The following CEP164 variants were observed in gnomAD, a reference collection of about 807,000 sequenced individuals.
CEP164 encodes the protein centrosomal protein of 164 kDa.
A neutral mutation model predicts 182.7 loss-of-function variants in CEP164; 162 were observed. The observed-to-expected ratio is 0.89, with a 90% confidence interval of 0.78 to 1.01. CEP164 has a LOEUF of 1.01. Among genes scored for constraint, CEP164 ranks in the 50% least tolerant of loss-of-function variants. The pLI is 0.00. For missense variants in CEP164, 1,735 were observed against 1,790.4 expected (o/e 0.97, Z 0.56); for synonymous variants, 661 against 690.0 (o/e 0.96, Z 0.66).
chr11:117,404,979 G>A (rs1219238144), intron 27 of CEP164, among the ~76,000 whole-genome samples: 13 of 152,178 alleles, frequency 8.5e-5, no homozygotes, highest in Admixed American at 8.5e-4. Context: ...GTAATGGCAA[G>A]CCTTAGTAAT....
chr11:117,338,479 C>A, intron 2 of CEP164, 87 bp from the exon 3 acceptor site: 1 of 949,740 alleles, frequency 1.1e-6, no homozygotes, highest in Non-Finnish European at 1.7e-6. Flanking sequence ...TGGTTTGACC[C>A]AGATGCTCCA....
chr11:117,373,621 C>T, intron 9 of CEP164, 130 bp from the exon 10 acceptor site: 1 of 766,892 alleles, frequency 1.3e-6, no homozygotes. Context: ...TTTAGGTTTT[C>T]AAGAAGAGTG....
At chr11:117,397,575 A>G (rs2045641920) in intron 27 of CEP164, among the ~76,000 whole-genome samples, 1 of 152,228 alleles carries the variant, frequency 6.6e-6, no homozygotes, top group Admixed American at 6.5e-5. Context: ...CTGGGAAGAA[A>G]AAGAAAATTG....
At chr11:117,390,050 C>A (rs1038989824) in intron 15 of CEP164, among the ~76,000 whole-genome samples, 5 of 147,372 alleles carry the variant, frequency 3.4e-5, no homozygotes, top group Non-Finnish European at 7.4e-5. Flanking sequence ...TCCAGCAATT[C>A]TCCTGTCTCA....
intron 1 of CEP164, among the ~76,000 whole-genome samples, chr11:117,329,016 G>A (rs1407478800): frequency 6.6e-6 from 1 of 152,160 alleles, no homozygotes; most frequent in Admixed American, 6.5e-5. Context: ...GTGCTTTCAG[G>A]ATAACTTCCT....
At chr11:117,412,025 G>T in intron 32 of CEP164, 47 bp from the exon 33 acceptor site, 2 of 1,612,040 alleles carry the variant, frequency 1.2e-6, no homozygotes, top group Non-Finnish European at 1.7e-6. Flanking sequence ...CATGGCCCCT[G>T]CCTGGCTATG....
At chr11:117,339,515 GTTTTTTGTTTTTT>G (rs1389303766) in intron 3 of CEP164, among the ~76,000 whole-genome samples, 9 of 90,870 alleles carry the variant, frequency 9.9e-5, no homozygotes, top group East Asian at 7.3e-4. Flanking sequence ...CTTTTCCTTT[GTTTTTTGTTTTTT>G]TTTTTTTTTT....
chr11:117,410,072 G>A (rs2047169000), intron 30 of CEP164, 107 bp downstream of exon 30: 1 of 1,056,860 alleles, frequency 9.5e-7, no homozygotes. Flanking sequence ...TTCCTCTTTT[G>A]CATCCCTTTG....
At chr11:117,370,566 T>C (rs1402383629) in intron 8 of CEP164, among the ~76,000 whole-genome samples, 5 of 152,214 alleles carry the variant, frequency 3.3e-5, no homozygotes, top group African/African-American at 1.2e-4. Flanking sequence ...CAAATCACTA[T>C]AGAAATTCTG....
chr11:117,397,081 C>A lies in CEP164; in HGVS notation c.3279-10C>A. 1 of 1,611,952 alleles carries A rather than the reference C, an allele frequency of 6.2e-7. No individual in the cohort carries two copies. Among genetic ancestry groups the A allele is most frequent in the Non-Finnish European group, 8.5e-7 (1 of 1,178,914 alleles). On this transcript the variant is annotated splice_polypyrimidine_tract_variant and intron_variant, in intron 26 of 32. Transcript: ENST00000278935. ...GCTTCTGTTTTCCTTCTTCAACTCT[C>A]CTGCTCCAGCCTGTCCTCCCACAAT...
intron 11 of CEP164, among the ~76,000 whole-genome samples, chr11:117,379,771 A>G (rs1373264294): frequency 6.6e-6 from 1 of 152,042 alleles, no homozygotes; most frequent in African/African-American, 2.4e-5. Flanking sequence ...CCTCTGTGGA[A>G]AATATTTGAA....
rs922678721 is a variant in CEP164, at chr11:117,411,613, G to C, written c.4164-182G>C. 5.2e-6 allele frequency: 4 copies of C among 773,622 alleles called. No homozygotes were observed. Among genetic ancestry groups the C allele is most frequent in the Admixed American group, 3.0e-5 (1 of 33,200 alleles). 47.9% of individuals were successfully genotyped at this position (773,622 alleles called of 1,614,324 possible). A position where few individuals can be genotyped will look rare whatever the true frequency, so the allele number is the denominator to read the frequency against. On this transcript the variant is annotated intron_variant, in intron 31 of 32. Coordinates refer to ENST00000278935, the MANE Select transcript of CEP164 (RefSeq NM_014956.5). This position sits in a 1 kb window ranked among gnomAD's most constrained non-coding sequence, Gnocchi z 4.4. Reference sequence around the variant, plus strand: ...GGCAGAGGGCCTCCACCACTTTCCCGTTTGGGAACTGTTCTGGAGGGGCAG... The same window carrying C: ...GGCAGAGGGCCTCCACCACTTTCCCCTTTGGGAACTGTTCTGGAGGGGCAG...
intron 1 of CEP164, among the ~76,000 whole-genome samples, chr11:117,328,542 C>G (rs1040389321): frequency 6.6e-6 from 1 of 152,242 alleles, no homozygotes; most frequent in African/African-American, 2.4e-5. Flanking sequence ...AAGCTCCCTT[C>G]TACTCGGCGC....
chr11:117,373,492 T>G (rs1745955788), intron 9 of CEP164, among the ~76,000 whole-genome samples: 2 of 152,236 alleles, frequency 1.3e-5, no homozygotes, highest in African/African-American at 4.8e-5. Context: ...CCCTTACTCA[T>G]GCAAGTCCTT....
intron 2 of CEP164, among the ~76,000 whole-genome samples, chr11:117,335,971 C>T (rs2037035168): frequency 6.6e-6 from 1 of 152,098 alleles, no homozygotes; most frequent in Non-Finnish European, 1.5e-5. Context: ...AGCTCCCCTG[C>T]TAAACTCATT....
chr11:117,399,091 C>G (rs1048146350), intron 27 of CEP164, among the ~76,000 whole-genome samples: 3 of 152,060 alleles, frequency 2.0e-5, no homozygotes, highest in Non-Finnish European at 4.4e-5. Context: ...ACCCAACAAC[C>G]GGTCATCTGC....
upstream of CEP164, among the ~76,000 whole-genome samples, chr11:117,325,392 T>C (rs542179786): frequency 1.9e-3 from 294 of 151,948 alleles, 2 homozygotes; most frequent in African/African-American, 6.7e-3. Context: ...GGCCTACTTT[T>C]TTCTTTTTTT....
chr11:117,350,080 G>A (rs1418060922), intron 4 of CEP164, among the ~76,000 whole-genome samples: 1 of 151,672 alleles, frequency 6.6e-6, no homozygotes, highest in African/African-American at 2.4e-5. Flanking sequence ...GCCAATTTTT[G>A]TATTTTTTAG....
At chr11:117,363,326 C>T (rs1162713523) in intron 7 of CEP164, 103 bp from the exon 8 acceptor site, 9 of 770,728 alleles carry the variant, frequency 1.2e-5, no homozygotes, top group Admixed American at 6.6e-5. Context: ...TGCCTGGGCC[C>T]GCCTGTCAGC....
Sources: gnomAD v4.1 joint callset for allele counts (sites outside exome capture counted in the v4.1 genomes callset) on GRCh38, gnomAD v4.1.1 for gene constraint, Gnocchi (gnomAD v3.1) non-coding constraint, MANE v1.5 for transcripts, NCBI Gene and HGNC (gene_info 2026-07-23, HGNC 2026-07-21) for gene names.